ZNF326: variants seen among roughly 807,000 people sequenced by gnomAD.
ZNF326 encodes the protein DBIRD complex subunit ZNF326.
A neutral mutation model predicts 63.1 loss-of-function variants in ZNF326; 30 were observed. The observed-to-expected ratio is 0.48, with a 90% CI of 0.36 to 0.64. The LOEUF is 0.64. Among genes scored for constraint, ZNF326 ranks in the 30% least tolerant of loss-of-function variants. ZNF326 has a pLI of 0.00. For synonymous variants in ZNF326, 194 were observed against 228.2 expected, an observed-to-expected ratio of 0.85 and a Z score of 1.35; for missense variants, 609 against 720.3, an observed-to-expected ratio of 0.85 and a Z score of 1.77.
At chr1:90,009,971 T>C in intron 5 of ZNF326, 117 bp from the exon 6 acceptor site, 1 of 960,312 alleles carries the variant, frequency 1.0e-6, no homozygotes, top group Non-Finnish European at 1.5e-6. Context: ...AAAATTTAGT[T>C]ACATTCCAGG....
chr1:90,022,854 A>T (rs1649841210), intron 11 of ZNF326, among the ~76,000 whole-genome samples: 1 of 152,184 alleles, frequency 6.6e-6, no homozygotes, highest in Admixed American at 6.5e-5. Flanking sequence ...TGTTGTGTCC[A>T]CCTAGTTTTT....
At chr1:90,024,985 T>G (rs1398035533) in intron 11 of ZNF326, among the ~76,000 whole-genome samples, 2 of 150,904 alleles carry the variant, frequency 1.3e-5, no homozygotes, top group Non-Finnish European at 3.0e-5. Flanking sequence ...TTCCTGTTTT[T>G]TTTTTTTTTT....
Position 90,029,962 on chromosome 1 carries a change from A to T in ZNF326, c.*2261A>T, listed in dbSNP as rs1006898960. 9 of 152,296 alleles carry T rather than the reference A, an allele frequency of 5.9e-5. No homozygotes were observed. The highest frequency in any genetic ancestry group is 3.4e-3 in the Middle Eastern group (1 of 294). The allele number at this position is 152,296 out of a possible 1,614,324, so 9.4% of individuals were successfully genotyped here. Reference sequence around the variant, plus strand: ...TATTTGCATTGCTTTTGTAATAAGGATGTATATAAGATCTTAAACGCCTTT... The same window carrying T: ...TATTTGCATTGCTTTTGTAATAAGGTTGTATATAAGATCTTAAACGCCTTT... On this transcript the variant is annotated 3_prime_UTR_variant, in exon 12 of 12. Coordinates refer to ENST00000340281, the MANE Select transcript of ZNF326 (RefSeq NM_182976.4).
rs886541203 is a variant in ZNF326 at position 90,012,757 on chromosome 1, C to T, written c.815-369C>T. Among the ~76,000 whole-genome samples the T allele has an allele frequency of 6.6e-5, 10 of 152,058 alleles. No homozygotes were observed. In the East Asian group the frequency reaches 1.2e-3, roughly 18 times the overall value. On this transcript the variant is annotated intron_variant, in intron 6 of 11. Coordinates refer to ENST00000340281, the MANE Select transcript of ZNF326 (RefSeq NM_182976.4). ...TTTACTGGACTTCCATTTTCATGCT[C>T]GGTCAGGTTACTTTAGTGTTTTTCC...
intron 11 of ZNF326, among the ~76,000 whole-genome samples, chr1:90,025,537 T>C (rs1649978231): frequency 6.6e-6 from 1 of 152,154 alleles, no homozygotes; most frequent in African/African-American, 2.4e-5. Context: ...ATCCAGGAAT[T>C]TGTGTTTTCA....
In ZNF326 at chr1:89,995,287, C is replaced by G. The variant is rs1414171146; in HGVS notation, c.16+14C>G. On this transcript the variant is annotated intron_variant, in intron 1 of 11. Transcript: ENST00000340281. The stretch of plus-strand genomic sequence containing the variant: ...ACTTCGAGGACGGTAAGCGCTGCCT[C>G]TGGCTGGTCGGCGCAGCTGGCAGGA... The G allele has an allele frequency of 1.1e-5, 17 of 1,549,560 alleles. No individual in the cohort carries two copies. In the African/African-American group the frequency reaches 2.3e-4, roughly 21 times the overall value.
Position 90,033,834 on chromosome 1 carries a change from C to T in ZNF326, c.*6133C>T, listed in dbSNP as rs944698189. The T allele has an allele frequency of 1.3e-5, 2 of 151,806 alleles. No homozygotes were observed. The highest frequency in any genetic ancestry group is 1.3e-4 in the Admixed American group (2 of 15,238). The allele number at this position is 151,806 out of a possible 1,614,324, so 9.4% of individuals were successfully genotyped here. ...TCACCATTGAATACCCTGCATATAT[C>T]ACAGTGCCAGGTAAATACTATGCAA... On this transcript the variant is annotated 3_prime_UTR_variant, in exon 12 of 12. Transcript: ENST00000340281.
At chr1:89,998,388 T>A (rs541124252) in intron 2 of ZNF326, among the ~76,000 whole-genome samples, 54 of 152,210 alleles carry the variant, frequency 3.5e-4, no homozygotes, top group Non-Finnish European at 6.5e-4. Context: ...ATTATGATTA[T>A]TTTAATGTGT....
rs376847402 is a variant in ZNF326, at chr1:90,000,302, A to G, written c.61+2148A>G. Among the ~76,000 whole-genome samples the G allele has an allele frequency of 5.0e-4, 76 of 152,334 alleles. No individual in the cohort carries two copies. The South Asian group carries it at 0.015, about 30-fold the overall frequency. ...AGAAGGCATTGGAAAACATGGCAAG[A>G]TACAGATTTTCCCCACACTATTTCT... On this transcript the variant is annotated intron_variant, in intron 2 of 11. Coordinates refer to ENST00000340281, the MANE Select transcript of ZNF326 (RefSeq NM_182976.4).
chr1:89,995,382 C>T lies in ZNF326; in HGVS notation c.16+109C>T, dbSNP rs1398393203. On this transcript the variant is annotated intron_variant, in intron 1 of 11. Transcript: ENST00000340281. ...GCCGTGTGGGCTTTGTTCTGCGGGC[C>T]CGGAGGCCGCCCGCCCGCCCCGGGC... is the stretch of plus-strand genomic sequence containing the variant. 143 of 1,361,180 alleles carry T rather than the reference C, an allele frequency of 1.1e-4. 1 individual carries two copies. The East Asian group carries it at 4.3e-3, about 41-fold the overall frequency. 84.3% of individuals were successfully genotyped at this position (1,361,180 alleles called of 1,614,324 possible).
At chr1:90,013,031 G>C in intron 6 of ZNF326, 95 bp from the exon 7 acceptor site, 6 of 993,286 alleles carry the variant, frequency 6.0e-6, no homozygotes, top group African/African-American at 1.7e-5. Context: ...CAATCACTAA[G>C]TATACCTCAT....
At chr1:90,021,241 A>G (rs1173638633) in intron 10 of ZNF326, among the ~76,000 whole-genome samples, 5 of 152,088 alleles carry the variant, frequency 3.3e-5, no homozygotes, top group South Asian at 2.1e-4. Context: ...ATTAATTAAA[A>G]CGTATAAGGC....
At chr1:90,018,162 C>T (rs1017843743) in intron 8 of ZNF326, among the ~76,000 whole-genome samples, 2 of 151,976 alleles carry the variant, frequency 1.3e-5, no homozygotes, top group Middle Eastern at 3.4e-3. Flanking sequence ...CGTGGTGGCG[C>T]GTGCCTGTAA....
chr1:90,018,637 T>C, intron 8 of ZNF326, 48 bp from the exon 9 acceptor site: 1 of 1,079,722 alleles, frequency 9.3e-7, no homozygotes, highest in Non-Finnish European at 1.4e-6. Context: ...GCATTATACT[T>C]GAGTGCTCAT....
chr1:90,021,256 A>G lies in ZNF326; in HGVS notation c.1305+334A>G, dbSNP rs1172574188. ...ATTAATTAAAACGTATAAGGCATTT[A>G]AAATAGTGCCTGGTAATGGTAAGCA... On this transcript the variant is annotated intron_variant, in intron 10 of 11. Coordinates refer to ENST00000340281, the MANE Select transcript of ZNF326 (RefSeq NM_182976.4). Among the ~76,000 whole-genome samples the G allele has an allele frequency of 2.6e-5, 4 of 152,098 alleles. No homozygotes were observed. The East Asian group carries it at 5.8e-4, about 22-fold the overall frequency.
chr1:90,023,023 A>G (rs1004232333), intron 11 of ZNF326, among the ~76,000 whole-genome samples: 4 of 152,194 alleles, frequency 2.6e-5, no homozygotes, highest in African/African-American at 9.7e-5. Flanking sequence ...CTCAGATGTG[A>G]ACAATTGGAT....
intron 11 of ZNF326, 79 bp from the exon 12 acceptor site, chr1:90,027,275 A>T: frequency 1.5e-6 from 2 of 1,326,848 alleles, no homozygotes; most frequent in South Asian, 1.4e-5. Flanking sequence ...TTCTCATGAT[A>T]TGGCAAGTAA....
chr1:89,997,966 ATTTG>A lies in ZNF326; in HGVS notation c.17-140_17-137del, dbSNP rs1189542749. 7 of 618,112 alleles carry A rather than the reference ATTTG, an allele frequency of 1.1e-5. No homozygotes were observed. The Admixed American group carries it at 1.3e-4, about 11-fold the overall frequency. 38.3% of individuals were successfully genotyped at this position (618,112 alleles called of 1,614,324 possible). A position where few individuals can be genotyped will look rare whatever the true frequency, so the allele number is the denominator to read the frequency against. On this transcript the variant is annotated intron_variant, in intron 1 of 11. Coordinates refer to ENST00000340281, the MANE Select transcript of ZNF326 (RefSeq NM_182976.4). ...TTTCTGGAATGGAGTATTGGTAATT[ATTTG>A]TTTTAACTATTCTCAGTTTTGCAGA...
In ZNF326 at chr1:90,034,299, T is replaced by C. The variant is rs192783464; in HGVS notation, c.*6598T>C. On this transcript the variant is annotated 3_prime_UTR_variant, in exon 12 of 12. Transcript: ENST00000340281. ...TGCAAGGATTTCAGAAATTAACTCA[T>C]AAAACACAACCTGCACGGCATGGTA... The C allele has an allele frequency of 8.5e-5, 13 of 152,230 alleles. No individual in the cohort carries two copies. In the East Asian group the frequency reaches 2.5e-3, roughly 29 times the overall value. The allele number at this position is 152,230 out of a possible 1,614,324, so 9.4% of individuals were successfully genotyped here.
Sources: gnomAD v4.1 joint callset for allele counts (sites outside exome capture counted in the v4.1 genomes callset) on GRCh38, gnomAD v4.1.1 for gene constraint, MANE v1.5 for transcripts, NCBI Gene and HGNC (gene_info 2026-07-23, HGNC 2026-07-21) for gene names.